NFXL1: variants seen among roughly 807,000 people sequenced by gnomAD.
NFXL1 encodes nuclear transcription factor, X-box binding like 1, also known as NF-X1-type zinc finger protein NFXL1.
NFXL1 carries 66 observed loss-of-function variants against 123.3 expected under a neutral mutation model. The observed-to-expected ratio is 0.54, with a 90% CI of 0.44 to 0.66. The LOEUF is 0.66. Ranked by LOEUF, NFXL1 falls within the 30% of genes least tolerant of loss-of-function variation. The probability of loss-of-function intolerance (pLI) is 0.00; values close to 1 mark genes in which losing one functional copy is unlikely to be tolerated. For missense variants in NFXL1, 944 were observed against 1,125.6 expected (o/e 0.84, Z 2.31); for synonymous variants, 346 against 360.8 (o/e 0.96, Z 0.46).
At chr4:47,853,877 T>C (rs1734261569) in intron 20 of NFXL1, among the ~76,000 whole-genome samples, 2 of 152,020 alleles carry the variant, frequency 1.3e-5, no homozygotes, top group Non-Finnish European at 2.9e-5. Context: ...ATTGAAGAAT[T>C]TAGAACAGGG....
chr4:47,875,096 TA>T, intron 18 of NFXL1, 30 bp downstream of exon 18: 1 of 1,475,004 alleles, frequency 6.8e-7, no homozygotes, highest in Non-Finnish European at 9.4e-7. Flanking sequence ...CTAATTGTAA[TA>T]AAATAAGACT....
At chr4:47,880,945 T>G (rs552132908) in intron 15 of NFXL1, among the ~76,000 whole-genome samples, 5 of 150,894 alleles carry the variant, frequency 3.3e-5, no homozygotes, top group Non-Finnish European at 7.4e-5. Context: ...AGTTACAGGA[T>G]GGAAAAGGTA....
At chr4:47,872,748 T>C (rs1345023591) in intron 18 of NFXL1, among the ~76,000 whole-genome samples, 1 of 152,236 alleles carries the variant, frequency 6.6e-6, no homozygotes, top group Non-Finnish European at 1.5e-5. Flanking sequence ...TCAGTCTTAA[T>C]GTTTTCACAG....
intron 15 of NFXL1, among the ~76,000 whole-genome samples, chr4:47,881,754 T>C (rs574775794): frequency 2.0e-5 from 3 of 152,092 alleles, no homozygotes; most frequent in South Asian, 4.1e-4. Context: ...CATAAAACCA[T>C]ATTGCTAAGT....
chr4:47,878,692 G>A (rs1401982591), intron 16 of NFXL1, 27 bp from the exon 17 acceptor site: 1 of 1,459,450 alleles, frequency 6.9e-7, no homozygotes, highest in Non-Finnish European at 9.1e-7. Context: ...AATCAGCACA[G>A]CACACATTAC....
rs1020683642 is a variant in NFXL1, at chr4:47,852,028, T to TTA, written c.2422-88_2422-87dup. The TTA allele has an allele frequency of 6.3e-6, 5 of 799,976 alleles. No homozygotes were observed. The African/African-American group carries it at 6.8e-5, about 11-fold the overall frequency. The allele number at this position is 799,976 out of a possible 1,614,324, so 49.6% of individuals were successfully genotyped here. A position where few individuals can be genotyped will look rare whatever the true frequency, so the allele number is the denominator to read the frequency against. On this transcript the variant is annotated intron_variant, in intron 20 of 22. Coordinates refer to ENST00000507489, the MANE Select transcript of NFXL1 (RefSeq NM_001278624.2). ...AAAAAAGCAAAGTTCATCTGATAGCTTAAGGTTATAAGTATTATTTGATGT... is the reference window on the plus strand; with the variant it reads ...AAAAAAGCAAAGTTCATCTGATAGCTTATAAGGTTATAAGTATTATTTGATGT...
At chr4:47,869,248 G>A (rs528133332) in intron 18 of NFXL1, among the ~76,000 whole-genome samples, 1 of 152,056 alleles carries the variant, frequency 6.6e-6, no homozygotes. Context: ...CAAACAAAAA[G>A]AAACACACTA....
intron 2 of NFXL1, among the ~76,000 whole-genome samples, chr4:47,911,800 T>G (rs189627264): frequency 1.3e-5 from 2 of 152,328 alleles, no homozygotes; most frequent in African/African-American, 4.8e-5. Context: ...AACTTCAAAC[T>G]TCTTGAGAGC....
At chr4:47,855,994 A>T (rs1164349886) in intron 19 of NFXL1, among the ~76,000 whole-genome samples, 1 of 152,194 alleles carries the variant, frequency 6.6e-6, no homozygotes, top group African/African-American at 2.4e-5. Context: ...GTAGTTAAGA[A>T]ATCTGTTTCT....
rs745663518 is a variant in NFXL1, at chr4:47,914,216, G to GAAA, written c.-2-14_-2-12dup. The GAAA allele has an allele frequency of 3.4e-5, 40 of 1,182,750 alleles. No individual in the cohort carries two copies. Among genetic ancestry groups the GAAA allele is most frequent in the Middle Eastern group, 2.8e-4 (1 of 3,572 alleles). The allele number at this position is 1,182,750 out of a possible 1,614,324, so 73.3% of individuals were successfully genotyped here. ...AGGAAGCTTCCATCCCTGCAAAGGA[G>GAAA]AAAAAAAAAAAAAAGAGTGGAAGGA... On this transcript the variant is annotated splice_polypyrimidine_tract_variant and intron_variant, in intron 1 of 22. Transcript: ENST00000507489.
At chr4:47,899,928 T>C (rs1286794206) in intron 5 of NFXL1, among the ~76,000 whole-genome samples, 2 of 152,236 alleles carry the variant, frequency 1.3e-5, no homozygotes, top group Non-Finnish European at 2.9e-5. Flanking sequence ...AGCACATATC[T>C]AGAATACAGC....
chr4:47,855,623 G>T (rs1286562203), intron 19 of NFXL1, among the ~76,000 whole-genome samples: 1 of 151,938 alleles, frequency 6.6e-6, no homozygotes, highest in East Asian at 1.9e-4. Context: ...GGATTCATGG[G>T]TGAACACATG....
chr4:47,878,802 T>C (rs1735908885), intron 16 of NFXL1, 137 bp from the exon 17 acceptor site: 2 of 596,998 alleles, frequency 3.4e-6, no homozygotes, highest in African/African-American at 1.9e-5. Context: ...AATAATAATA[T>C]CAAAATCAAA....
intron 15 of NFXL1, among the ~76,000 whole-genome samples, chr4:47,881,099 A>T (rs1736089406): frequency 1.3e-5 from 2 of 152,080 alleles, no homozygotes; most frequent in Non-Finnish European, 2.9e-5. Context: ...ATAGTTACCT[A>T]TAACAATGGA....
In NFXL1 at chr4:47,914,114, G is replaced by A. The variant is rs1393922921; in HGVS notation, c.90C>T (p.Leu30=). 6.4e-7 allele frequency: 1 copy of A among 1,553,584 alleles called. No individual in the cohort carries two copies. The highest frequency in any genetic ancestry group is 1.9e-5 in the Admixed American group (1 of 51,876). The stretch of plus-strand genomic sequence containing the variant: ...TCTCTCGCCCTCCTCCGGCGCCGCG[G>A]AGATGGACTCCATTTCCTGAGGGGG... ...TAAPSGNGVH[L]RGAGGGREKG... Residue 30 remains leucine, a synonymous_variant, in exon 2 of 23, where the codon CTC becomes CTT. Transcript: ENST00000507489.
intron 15 of NFXL1, among the ~76,000 whole-genome samples, chr4:47,882,626 C>T (rs1035096712): frequency 1.3e-5 from 2 of 152,128 alleles, no homozygotes; most frequent in African/African-American, 2.4e-5. Context: ...GTAGTTTCTA[C>T]GGTACAAATC....
At chr4:47,887,806 C>T (rs1389406905) in intron 12 of NFXL1, among the ~76,000 whole-genome samples, 9 of 152,094 alleles carry the variant, frequency 5.9e-5, no homozygotes, top group African/African-American at 1.9e-4. Context: ...TAAACAGTCT[C>T]CCTACTGACC....
chr4:47,894,095 A>G, intron 11 of NFXL1, 85 bp downstream of exon 11: 3 of 965,300 alleles, frequency 3.1e-6, no homozygotes, highest in Non-Finnish European at 4.5e-6. Context: ...TTGAGAAACA[A>G]TTCAAGACAG....
chr4:47,900,762 G>A (rs146288343), intron 5 of NFXL1, among the ~76,000 whole-genome samples: 31 of 152,188 alleles, frequency 2.0e-4, no homozygotes, highest in African/African-American at 7.2e-4. Context: ...AATTTCTTTT[G>A]TATCATATAC....
Sources: allele counts gnomAD v4.1 joint callset (sites outside exome capture counted in the v4.1 genomes callset), GRCh38; gene constraint gnomAD v4.1.1; transcripts MANE v1.5; gene names NCBI Gene and HGNC (gene_info 2026-07-23, HGNC 2026-07-21).